ERBIN: variants seen among roughly 807,000 people sequenced by gnomAD.
The protein encoded by ERBIN is erbb2 interacting protein, also known as densin-180-like protein.
ERBIN carries 60 observed loss-of-function variants against 158.4 expected under a neutral mutation model. The observed-to-expected ratio is 0.38, with a 90% CI of 0.31 to 0.47. The LOEUF (loss-of-function observed/expected upper bound fraction) is 0.47. ERBIN is among the 20% of genes least tolerant of loss of function. The pLI, the probability that ERBIN is intolerant of heterozygous loss-of-function variation, is 0.99. For missense variants in ERBIN, 1,610 were observed against 1,648.0 expected, an observed-to-expected ratio of 0.98 and a Z score of 0.40; for synonymous variants, 594 against 557.2, an observed-to-expected ratio of 1.07 and a Z score of -0.93.
At chr5:65,933,375 AGG>A (rs1743679246) in intron 1 of ERBIN, among the ~76,000 whole-genome samples, 1 of 152,202 alleles carries the variant, frequency 6.6e-6, no homozygotes, top group Non-Finnish European at 1.5e-5. Context: ...AGAAGAGGAA[AGG>A]GAGAAATATT....
At chr5:66,035,288 A>G (rs188379263) in intron 14 of ERBIN, among the ~76,000 whole-genome samples, 2 of 152,298 alleles carry the variant, frequency 1.3e-5, no homozygotes, top group South Asian at 2.1e-4. Flanking sequence ...ATTGCCACCT[A>G]CATGTCTCAA....
intron 1 of ERBIN, among the ~76,000 whole-genome samples, chr5:65,958,347 C>A (rs1031024793): frequency 6.6e-6 from 1 of 152,064 alleles, no homozygotes; most frequent in Non-Finnish European, 1.5e-5. Flanking sequence ...ACTGAGTGAA[C>A]GAGGACTCCA....
intron 21 of ERBIN, among the ~76,000 whole-genome samples, chr5:66,063,915 A>G (rs1049073230): frequency 6.6e-6 from 1 of 152,202 alleles, no homozygotes; most frequent in African/African-American, 2.4e-5. Flanking sequence ...AGAAATTTCA[A>G]TGGAAATTTG....
intron 1 of ERBIN, among the ~76,000 whole-genome samples, chr5:65,985,206 G>A (rs926714983): frequency 1.3e-5 from 2 of 152,278 alleles, no homozygotes; most frequent in East Asian, 3.9e-4. Flanking sequence ...CAATTCTCTC[G>A]CCTCAGCCTC....
intron 4 of ERBIN, among the ~76,000 whole-genome samples, chr5:66,011,258 A>AGG (rs1274716057): frequency 2.0e-5 from 3 of 152,242 alleles, no homozygotes; most frequent in African/African-American, 7.2e-5. Flanking sequence ...TCATTATCTT[A>AGG]GGGTGGACAG....
chr5:65,963,796 T>TC (rs1273968884), intron 1 of ERBIN, among the ~76,000 whole-genome samples: 4 of 149,294 alleles, frequency 2.7e-5, no homozygotes, highest in African/African-American at 9.8e-5. Context: ...TCTTTTCTTT[T>TC]TTTTTTTTTT....
chr5:66,071,817 TAATAACTA>T (rs1417188877), intron 21 of ERBIN, among the ~76,000 whole-genome samples: 1 of 151,992 alleles, frequency 6.6e-6, no homozygotes, highest in Non-Finnish European at 1.5e-5. Context: ...AAACTTTGAT[TAATAACTA>T]TATTTGTTGT....
At chr5:65,990,855 G>A (rs1021294969) in intron 2 of ERBIN, among the ~76,000 whole-genome samples, 1 of 151,734 alleles carries the variant, frequency 6.6e-6, no homozygotes, top group African/African-American at 2.4e-5. Context: ...CTGCCTCCCG[G>A]GTTCAAGCAG....
At chr5:66,059,471 T>C (rs1760006951) in intron 21 of ERBIN, among the ~76,000 whole-genome samples, 1 of 152,230 alleles carries the variant, frequency 6.6e-6, no homozygotes, top group Admixed American at 6.5e-5. Flanking sequence ...TATACAATCA[T>C]GTCATGTGCA....
chr5:65,983,384 A>G (rs1404969085), intron 1 of ERBIN, among the ~76,000 whole-genome samples: 1 of 152,142 alleles, frequency 6.6e-6, no homozygotes, highest in Non-Finnish European at 1.5e-5. Flanking sequence ...CACAGCGTTT[A>G]TAATTTTTTC....
chr5:66,063,434 C>G (rs1760657859), intron 21 of ERBIN, among the ~76,000 whole-genome samples: 1 of 152,190 alleles, frequency 6.6e-6, no homozygotes, highest in Non-Finnish European at 1.5e-5. Flanking sequence ...CAGGTGCCAT[C>G]TGTCACCCCT....
rs746703864 is a variant in ERBIN at position 66,078,544 on chromosome 5, A to C, written c.*14A>C. 1 of 1,508,484 alleles carries C rather than the reference A, an allele frequency of 6.6e-7. No homozygotes were observed. The highest frequency in any genetic ancestry group is 1.4e-5 in the African/African-American group (1 of 72,528). 93.4% of individuals were successfully genotyped at this position (1,508,484 alleles called of 1,614,324 possible). On this transcript the variant is annotated 3_prime_UTR_variant, in exon 26 of 26. Transcript: ENST00000284037. ...GTTTCCTCATAAGCACTGTGGACAA[A>C]AAAAGCGGGGAAGACAGCAAGATTT...
chr5:66,057,630 C>G (rs1759750183), intron 21 of ERBIN, among the ~76,000 whole-genome samples: 1 of 151,688 alleles, frequency 6.6e-6, no homozygotes, highest in African/African-American at 2.4e-5. Context: ...ATACATGTGC[C>G]ATGTTGGTGT....
chr5:66,046,463 G>A lies in ERBIN; in HGVS notation c.1713G>A (p.Gly571=). The change falls in exon 18 of 26, where the codon GGG becomes GGA. Residue 571 remains glycine (G), a synonymous_variant. Coordinates refer to ENST00000284037, the MANE Select transcript of ERBIN (RefSeq NM_001253697.2). ...ISEPEAEISP[G]SLPVTANMKA... is the part of the protein sequence containing the mutation. The stretch of plus-strand genomic sequence containing the variant: ...AACCTGAAGCTGAGATTAGTCCTGG[G>A]AGTTTACCAGTGACTGCAAATATGA... The A allele has an allele frequency of 6.2e-7, 1 of 1,611,868 alleles. No individual in the cohort carries two copies. The highest frequency in any genetic ancestry group is 8.5e-7 in the Non-Finnish European group (1 of 1,178,592).
Position 66,075,162 on chromosome 5 carries a change from G to A in ERBIN, c.3895G>A (p.Ala1299Thr). The A allele has an allele frequency of 6.2e-7, 1 of 1,614,096 alleles. No homozygotes were observed. The highest frequency in any genetic ancestry group is 8.5e-7 in the Non-Finnish European group (1 of 1,179,998). Residue 1299 changes from alanine to threonine, a missense_variant, in exon 23 of 26, where the codon GCC becomes ACC. By Grantham distance (58) the Ala-to-Thr change is moderately conservative (BLOSUM62 0). Transcript: ENST00000284037. ...QLIDYLMLKV[A>T]HQPPYTQPHC... ...AATTGATTACTTGATGCTGAAAGTG[G>A]CCCACCAGCCTCCATATACACAGCC...
intron 1 of ERBIN, among the ~76,000 whole-genome samples, chr5:65,940,691 G>GT (rs1455322288): frequency 2.8e-5 from 4 of 144,846 alleles, no homozygotes; most frequent in East Asian, 4.1e-4. Context: ...CGGGAGGGAG[G>GT]TGGGGGGGTC....
chr5:65,934,222 A>G (rs1337850672), intron 1 of ERBIN, among the ~76,000 whole-genome samples: 1 of 152,198 alleles, frequency 6.6e-6, no homozygotes, highest in African/African-American at 2.4e-5. Context: ...TTTAATGTTT[A>G]TTTCCTACAA....
At chr5:65,947,037 C>T (rs1745846210) in intron 1 of ERBIN, among the ~76,000 whole-genome samples, 1 of 151,748 alleles carries the variant, frequency 6.6e-6, no homozygotes, top group Non-Finnish European at 1.5e-5. Flanking sequence ...GGTATTTTCT[C>T]CCATTCCATA....
chr5:65,937,460 A>G (rs1339844933), intron 1 of ERBIN, among the ~76,000 whole-genome samples: 1 of 151,452 alleles, frequency 6.6e-6, no homozygotes, highest in Non-Finnish European at 1.5e-5. Flanking sequence ...CTATGTCAGG[A>G]TTTTCTTTTT....
Sources: gnomAD v4.1 joint callset for allele counts (sites outside exome capture counted in the v4.1 genomes callset) on GRCh38, gnomAD v4.1.1 for gene constraint, MANE v1.5 for transcripts, NCBI Gene and HGNC (gene_info 2026-07-23, HGNC 2026-07-21) for gene names.